FAM117B: variants seen among roughly 807,000 people sequenced by gnomAD.
FAM117B encodes the protein protein FAM117B.
A neutral mutation model predicts 52.8 loss-of-function variants in FAM117B; 22 were observed. That is an observed-to-expected ratio of 0.42 (90% CI 0.30 to 0.59). The LOEUF (loss-of-function observed/expected upper bound fraction) is 0.59, where lower values mean the gene tolerates loss of function less well. Among genes scored for constraint, FAM117B ranks in the 20% least tolerant of loss-of-function variants. The pLI is 0.22. For synonymous variants in FAM117B, 309 were observed against 324.1 expected, an observed-to-expected ratio of 0.95 and a Z score of 0.50; for missense variants, 678 against 802.6, an observed-to-expected ratio of 0.84 and a Z score of 1.88.
chr2:202,684,760 C>T (rs1187208262), intron 1 of FAM117B, among the ~76,000 whole-genome samples: 1 of 151,944 alleles, frequency 6.6e-6, no homozygotes, highest in Non-Finnish European at 1.5e-5. Context: ...TTAACAGAAA[C>T]ATATATTAAA....
chr2:202,727,457 A>G (rs7558332), intron 4 of FAM117B, among the ~76,000 whole-genome samples: 74,013 of 151,894 alleles, frequency 0.49, 18,781 homozygotes, highest in East Asian at 0.7. Flanking sequence ...TATGGATTCA[A>G]CCAACCATGG....
intron 4 of FAM117B, among the ~76,000 whole-genome samples, chr2:202,754,350 G>A (rs980816769): frequency 6.6e-6 from 1 of 152,114 alleles, no homozygotes; most frequent in African/African-American, 2.4e-5. Context: ...ACATAGAGGG[G>A]AACACACACC....
intron 2 of FAM117B, among the ~76,000 whole-genome samples, chr2:202,712,015 T>C (rs1690963983): frequency 6.6e-6 from 1 of 152,206 alleles, no homozygotes; most frequent in African/African-American, 2.4e-5. Flanking sequence ...CAGGATAACT[T>C]GGGCTATTCT....
chr2:202,757,498 C>A, intron 6 of FAM117B, 60 bp downstream of exon 6: 1 of 1,477,160 alleles, frequency 6.8e-7, no homozygotes, highest in Non-Finnish European at 9.4e-7. Flanking sequence ...TTGTATCATT[C>A]ATTCTATTCA....
rs1158185300 is a variant in FAM117B, at chr2:202,673,433, G to GTTT, written c.602-22418_602-22416dup. Among the ~76,000 whole-genome samples, 295 of 37,538 alleles carry GTTT rather than the reference G, an allele frequency of 7.9e-3. 27 individuals are homozygous for GTTT. Among genetic ancestry groups the GTTT allele is most frequent in the African/African-American group, 9.9e-3 (64 of 6,450 alleles). 24.6% of individuals were successfully genotyped at this position (37,538 alleles called of 152,430 possible). Reference sequence around the variant, plus strand: ...TAGCCTACCCTATTTTTCTTTTTCTGTTTTTTTTTTTTTTTTTTTTTTTTT... The same window carrying GTTT: ...TAGCCTACCCTATTTTTCTTTTTCTGTTTTTTTTTTTTTTTTTTTTTTTTTTTT... On this transcript the variant is annotated intron_variant, in intron 1 of 7. Transcript: ENST00000392238.
chr2:202,661,636 C>T (rs1026238607), intron 1 of FAM117B, among the ~76,000 whole-genome samples: 1 of 152,100 alleles, frequency 6.6e-6, no homozygotes. Context: ...TATTTTTAGG[C>T]CAGGTGCATT....
intron 2 of FAM117B, 119 bp downstream of exon 2, chr2:202,696,151 A>G: frequency 8.8e-7 from 1 of 1,136,836 alleles, no homozygotes; most frequent in Non-Finnish European, 1.2e-6. Context: ...AACTTGAGAA[A>G]CTTACCAAAA....
chr2:202,695,974 A>G lies in FAM117B; in HGVS notation c.695A>G (p.His232Arg), dbSNP rs775124216. The change falls in exon 2 of 8, where the codon CAC (histidine) becomes CGC (arginine). Residue 232 changes from histidine (H) to arginine (R), a missense_variant. Around this residue, in one of 3 missense-constraint regions of FAM117B, gnomAD observed 583 missense variants for 644.8 expected, o/e 0.90. Coordinates refer to ENST00000392238, the MANE Select transcript of FAM117B (RefSeq NM_173511.4). ...CTTGCTGCACCGTATCTTGCTGGACACTGGCCTCGGGATAGCCATGGGCAA... is the reference window on the plus strand; with the variant it reads ...CTTGCTGCACCGTATCTTGCTGGACGCTGGCCTCGGGATAGCCATGGGCAA... ...DTLAAPYLAG[H>R]WPRDSHGQAA... 1.9e-6 allele frequency: 3 copies of G among 1,614,198 alleles called. No homozygotes were observed. Among genetic ancestry groups the G allele is most frequent in the East Asian group, 2.2e-5 (1 of 44,890 alleles).
chr2:202,690,252 C>T (rs1268371205), intron 1 of FAM117B, among the ~76,000 whole-genome samples: 1 of 152,152 alleles, frequency 6.6e-6, no homozygotes, highest in East Asian at 1.9e-4. Flanking sequence ...TTTGAATTAA[C>T]CAAAAAGCAT....
intron 7 of FAM117B, among the ~76,000 whole-genome samples, chr2:202,763,984 G>A (rs1157080450): frequency 6.6e-6 from 1 of 152,146 alleles, no homozygotes; most frequent in Non-Finnish European, 1.5e-5. Flanking sequence ...CTGTAATCAT[G>A]CCTGTTAGAT....
intron 7 of FAM117B, 71 bp from the exon 8 acceptor site, chr2:202,765,375 C>A: frequency 7.5e-7 from 1 of 1,340,686 alleles, no homozygotes; most frequent in Non-Finnish European, 1.0e-6. Context: ...AGCTTGTTTC[C>A]AAGCTTTTTT....
At chr2:202,676,115 T>G (rs1398323092) in intron 1 of FAM117B, among the ~76,000 whole-genome samples, 5 of 152,176 alleles carry the variant, frequency 3.3e-5, no homozygotes, top group Non-Finnish European at 7.3e-5. Context: ...GGGAAGCAAC[T>G]TGCTACGTTT....
At chr2:202,714,942 A>G (rs1403371143) in intron 2 of FAM117B, among the ~76,000 whole-genome samples, 5 of 152,256 alleles carry the variant, frequency 3.3e-5, no homozygotes, top group African/African-American at 7.2e-5. Flanking sequence ...CTTTCTACAC[A>G]GACACAGCAA....
At chr2:202,699,449 GAAAA>G (rs59522030) in intron 2 of FAM117B, among the ~76,000 whole-genome samples, 4 of 100,034 alleles carry the variant, frequency 4.0e-5, no homozygotes, top group African/African-American at 3.9e-5. Context: ...AAAAAAAAAA[GAAAA>G]AAAAAAAAAA....
At chr2:202,713,358 T>C (rs1690985692) in intron 2 of FAM117B, among the ~76,000 whole-genome samples, 1 of 152,214 alleles carries the variant, frequency 6.6e-6, no homozygotes, top group Non-Finnish European at 1.5e-5. Flanking sequence ...TGAATTTCTG[T>C]GGTATCAGTT....
At chr2:202,717,561 G>T (rs1047898449) in intron 2 of FAM117B, among the ~76,000 whole-genome samples, 13 of 152,216 alleles carry the variant, frequency 8.5e-5, no homozygotes, top group African/African-American at 2.9e-4. Context: ...TTGCAGAGTT[G>T]TAGATATACT....
At chr2:202,732,408 A>G (rs1574573698) in intron 4 of FAM117B, among the ~76,000 whole-genome samples, 1 of 152,224 alleles carries the variant, frequency 6.6e-6, no homozygotes, top group South Asian at 2.1e-4. Context: ...AAAAAACCCA[A>G]TGTCTATCAG....
intron 2 of FAM117B, among the ~76,000 whole-genome samples, chr2:202,718,806 C>A (rs1457313642): frequency 1.3e-5 from 2 of 152,182 alleles, no homozygotes; most frequent in African/African-American, 4.8e-5. Context: ...GACTCATACT[C>A]TGGTAGTATC....
At chr2:202,699,449 G>GAAAAAAAAAAAAAAAAAAAAAAAAAA (rs59522030) in intron 2 of FAM117B, among the ~76,000 whole-genome samples, 6 of 100,030 alleles carry the variant, frequency 6.0e-5, no homozygotes, top group Admixed American at 1.2e-4. Context: ...AAAAAAAAAA[G>GAAAAAAAAAAAAAAAAAAAAAAAAAA]AAAAAAAAAA....
Sources: allele counts gnomAD v4.1 joint callset (sites outside exome capture counted in the v4.1 genomes callset), GRCh38; gene constraint gnomAD v4.1.1; regional missense constraint gnomAD v4.1.1; transcripts MANE v1.5; gene names NCBI Gene and HGNC (gene_info 2026-07-23, HGNC 2026-07-21).